MYO18B: variants seen among roughly 807,000 people sequenced by gnomAD.
The protein encoded by MYO18B is myosin XVIIIB, also known as unconventional myosin-XVIIIb.
In MYO18B, 204 loss-of-function variants were observed where a neutral mutation model predicts 273.0. That is an observed-to-expected ratio of 0.75 (90% CI 0.67 to 0.84). MYO18B has a LOEUF of 0.84. Ranked by LOEUF, MYO18B falls within the 40% of genes least tolerant of loss-of-function variation. The probability of loss-of-function intolerance (pLI) is 0.00; values close to 1 mark genes in which losing one functional copy is unlikely to be tolerated. For missense variants in MYO18B, 3,212 were observed against 3,287.6 expected (o/e 0.98, Z 0.56); for synonymous variants, 1,330 against 1,305.7 (o/e 1.02, Z -0.40).
Position 25,984,743 on chromosome 22 carries a change from G to A in MYO18B, c.6157-7620G>A, listed in dbSNP as rs142524866. ...GCCCAGGAGTTCAAGGTTACAGTGA[G>A]CTGTGATTGTACCACTGCACTCTCC... On this transcript the variant is annotated intron_variant, in intron 39 of 43. Coordinates refer to ENST00000335473, the MANE Select transcript of MYO18B (RefSeq NM_032608.7). Among the ~76,000 whole-genome samples, 336 of 152,070 alleles carry A rather than the reference G, an allele frequency of 2.2e-3. 2 individuals are homozygous for A. The highest frequency in any genetic ancestry group is 2.6e-3 in the Admixed American group (40 of 15,266).
rs942986693 is a variant in MYO18B, at chr22:26,026,785, G to T, written c.6811G>T (p.Gly2271Cys). ...CCAGAGAGGCCAGGGGTCCACGCTG[G>T]GCCTAGAGGACTGGCCCACTCTCCC... is the stretch of plus-strand genomic sequence containing the variant. ...RAQRGQGSTL[G>C]LEDWPTLPIY... Residue 2271 changes from glycine to cysteine, a missense_variant, in exon 43 of 44, where the codon GGC (glycine) becomes TGC (cysteine). Coordinates refer to ENST00000335473, the MANE Select transcript of MYO18B (RefSeq NM_032608.7). 9 of 1,605,012 alleles carry T rather than the reference G, an allele frequency of 5.6e-6. No individual in the cohort carries two copies. The African/African-American group carries it at 1.2e-4, about 22-fold the overall frequency.
At chr22:26,045,644 C>G in the MYO18B span, among the ~76,000 whole-genome samples, 1 of 152,206 alleles carries the variant, frequency 6.6e-6, no homozygotes, top group Non-Finnish European at 1.5e-5. Flanking sequence ...ACTGTGGGGC[C>G]TTGGCTTGAA....
chr22:25,760,633 C>T (rs12158009), intron 1 of MYO18B, among the ~76,000 whole-genome samples: 31,922 of 152,024 alleles, frequency 0.21, 3,441 homozygotes, highest in African/African-American at 0.24. Flanking sequence ...TTTGCCTGTT[C>T]TTGAACTTCT....
chr22:25,778,238 T>C (rs2086994742), intron 8 of MYO18B, among the ~76,000 whole-genome samples: 1 of 151,934 alleles, frequency 6.6e-6, no homozygotes, highest in South Asian at 2.1e-4. Flanking sequence ...AGAGAGGAAA[T>C]TGAACTGTAC....
chr22:25,960,644 C>G, intron 39 of MYO18B, among the ~76,000 whole-genome samples: 1 of 152,174 alleles, frequency 6.6e-6, no homozygotes, highest in Non-Finnish European at 1.5e-5. Context: ...GCTTAATGGT[C>G]AGACCCGCTG....
intron 39 of MYO18B, among the ~76,000 whole-genome samples, chr22:25,987,698 C>G (rs2093217483): frequency 6.6e-6 from 1 of 151,890 alleles, no homozygotes; most frequent in African/African-American, 2.4e-5. Flanking sequence ...ATTTGTATTG[C>G]CGGCACCTAG....
chr22:26,044,746 G>A, the MYO18B span, among the ~76,000 whole-genome samples: 53 of 152,330 alleles, frequency 3.5e-4, no homozygotes, highest in Admixed American at 7.8e-4. Flanking sequence ...CACTTCTGAC[G>A]TGGAGAAAAC....
At chr22:25,911,803 A>G (rs2146391750) in intron 33 of MYO18B, among the ~76,000 whole-genome samples, 1 of 152,290 alleles carries the variant, frequency 6.6e-6, no homozygotes, top group East Asian at 1.9e-4. Flanking sequence ...TGCTGTACTA[A>G]TGTAGCCAGC....
intron 25 of MYO18B, among the ~76,000 whole-genome samples, chr22:25,889,301 C>T (rs952223565): frequency 3.3e-5 from 5 of 152,144 alleles, no homozygotes; most frequent in Non-Finnish European, 5.9e-5. Flanking sequence ...CTACGTTGCT[C>T]ATTGTAAGAA....
At chr22:25,813,180 CTT>C (rs2145838596) in intron 12 of MYO18B, among the ~76,000 whole-genome samples, 4 of 120,268 alleles carry the variant, frequency 3.3e-5, no homozygotes, top group Non-Finnish European at 6.6e-5. Context: ...TCCTCTTCTT[CTT>C]CCTTTTTTTT....
intron 37 of MYO18B, among the ~76,000 whole-genome samples, chr22:25,950,942 A>C (rs2092785940): frequency 6.6e-6 from 1 of 152,236 alleles, no homozygotes. Flanking sequence ...GCTAAGGAGC[A>C]AGGAGAGCCA....
At chr22:26,054,349 TGTGCCCGCTCAGTTTCC>T in the MYO18B span, among the ~76,000 whole-genome samples, 1 of 152,188 alleles carries the variant, frequency 6.6e-6, no homozygotes, top group East Asian at 1.9e-4. Flanking sequence ...GCAAGTCCTG[TGTGCCCGCTCAGTTTCC>T]CTGCCGAGAA....
At chr22:25,997,305 C>CAAAAAA (rs1933372342) in intron 40 of MYO18B, among the ~76,000 whole-genome samples, 1 of 14,094 alleles carries the variant, frequency 7.1e-5, no homozygotes, top group African/African-American at 4.2e-4. Flanking sequence ...ACTCTGTCGC[C>CAAAAAA]AAAAAAAAAA....
intron 1 of MYO18B, among the ~76,000 whole-genome samples, chr22:25,758,443 C>T (rs2086196376): frequency 6.6e-6 from 1 of 151,080 alleles, no homozygotes; most frequent in African/African-American, 2.4e-5. Flanking sequence ...AGTCTAGCTG[C>T]TCATCACCTG....
intron 22 of MYO18B, 54 bp from the exon 23 acceptor site, chr22:25,874,230 CAT>C: frequency 1.2e-6 from 2 of 1,605,528 alleles, no homozygotes; most frequent in Non-Finnish European, 1.7e-6. Flanking sequence ...AGCACCCCCC[CAT>C]TGTAGACAGC....
the MYO18B span, among the ~76,000 whole-genome samples, chr22:26,041,367 AAAAAAC>A: frequency 6.7e-6 from 1 of 150,204 alleles, no homozygotes. Context: ...AAAAAAAAAA[AAAAAAC>A]AAAACTAGAA....
chr22:25,883,798 A>C lies in MYO18B; in HGVS notation c.4314+5750A>C, dbSNP rs538203773. ...CTAGGCTTATTAAAAAGACATCACT[A>C]TTGCAAAATGATTTAAGTGCTTCAT... On this transcript the variant is annotated intron_variant, in intron 25 of 43. Transcript: ENST00000335473. The surrounding 1 kb of genome is among the most constrained non-coding windows in gnomAD (Gnocchi z 7.6). The C allele has an allele frequency of 6.6e-6, 1 of 152,310 alleles. No individual in the cohort carries two copies. Among genetic ancestry groups the C allele is most frequent in the Non-Finnish European group, 1.5e-5 (1 of 68,026 alleles). The allele number at this position is 152,310 out of a possible 1,614,324, so 9.4% of individuals were successfully genotyped here.
chr22:25,761,826 C>CT (rs1479718294), intron 2 of MYO18B, among the ~76,000 whole-genome samples: 2 of 152,044 alleles, frequency 1.3e-5, no homozygotes, highest in African/African-American at 4.8e-5. Context: ...CAGAGGGTGC[C>CT]TTAAGACTGT....
Position 26,027,639 on chromosome 22 carries a change from C to T in MYO18B, c.7665C>T (p.Asp2555=), listed in dbSNP as rs374395239. 23 of 1,613,506 alleles carry T rather than the reference C, an allele frequency of 1.4e-5. No individual in the cohort carries two copies. The highest frequency in any genetic ancestry group is 1.1e-4 in the East Asian group (5 of 44,846). The change falls in exon 43 of 44, where the codon GAC becomes GAT. Residue 2555 remains aspartate (D), a synonymous_variant. Transcript: ENST00000335473. This position sits in a 1 kb window ranked among gnomAD's most constrained non-coding sequence, Gnocchi z 4.1. ...AGCCAGGGACGGGGAGGAAAGACGA[C>T]GATGTTGCGAGCATAATGAAGAAAT... is the stretch of plus-strand genomic sequence containing the variant. ...RREPGTGRKD[D]DVASIMKKYL...
Sources: gnomAD v4.1 joint callset for allele counts (sites outside exome capture counted in the v4.1 genomes callset) on GRCh38, gnomAD v4.1.1 for gene constraint, Gnocchi (gnomAD v3.1) non-coding constraint, MANE v1.5 for transcripts, NCBI Gene and HGNC (gene_info 2026-07-23, HGNC 2026-07-21) for gene names.